The following CAPS2 variants were observed in gnomAD, a reference collection of about 807,000 sequenced individuals.
CAPS2 encodes the protein calcyphosine 2.
CAPS2 carries 98 observed loss-of-function variants against 86.5 expected under a neutral mutation model. The observed-to-expected ratio is 1.13, with a 90% CI of 0.96 to 1.34. CAPS2 has a LOEUF of 1.34. Among genes scored for constraint, CAPS2 ranks in the 40% most tolerant of loss-of-function variants. The pLI is 0.00. For synonymous variants in CAPS2, 210 were observed against 225.1 expected (o/e 0.93, Z 0.60); for missense variants, 729 against 686.8 (o/e 1.06, Z -0.69).
chr12:75,355,725 C>T (rs1287724227), intron 1 of CAPS2, among the ~76,000 whole-genome samples: 2 of 152,118 alleles, frequency 1.3e-5, no homozygotes, highest in African/African-American at 4.8e-5. Context: ...ATGGAATCAA[C>T]CTAAATGCCC....
At chr12:75,366,762 C>T (rs973759775) in intron 1 of CAPS2, 15 of 639,958 alleles carry the variant, frequency 2.3e-5, no homozygotes, top group African/African-American at 1.1e-4. Flanking sequence ...GTCATTTCCA[C>T]GCTCTTATGT....
chr12:75,294,299 G>A (rs1374002581), intron 11 of CAPS2, among the ~76,000 whole-genome samples: 1 of 152,104 alleles, frequency 6.6e-6, no homozygotes, highest in Non-Finnish European at 1.5e-5. Context: ...ATAAAGGAAG[G>A]ATGTCCCTCC....
At chr12:75,322,996 G>T in exon 4 of CAPS2, 2 of 1,537,922 alleles carry the variant, frequency 1.3e-6, no homozygotes, top group Non-Finnish European at 1.8e-6. Context: ...ATGATACTGA[G>T]TATATGGAGT....
At chr12:75,362,876 C>G (rs2043700665) in intron 1 of CAPS2, among the ~76,000 whole-genome samples, 1 of 152,112 alleles carries the variant, frequency 6.6e-6, no homozygotes, top group Admixed American at 6.6e-5. Context: ...TCTCATTATT[C>G]TTCTATAGAA....
chr12:75,317,347 C>T (rs1008615558), intron 5 of CAPS2, among the ~76,000 whole-genome samples: 14 of 152,096 alleles, frequency 9.2e-5, no homozygotes, highest in African/African-American at 3.4e-4. Flanking sequence ...TATTTACCCA[C>T]TAATATACTT....
intron 1 of CAPS2, among the ~76,000 whole-genome samples, chr12:75,379,853 T>TAAAAA (rs35309353): frequency 2.7e-5 from 3 of 111,918 alleles, no homozygotes; most frequent in South Asian, 3.0e-4. Flanking sequence ...TCCCTATCAG[T>TAAAAA]AAAAAAAAAA....
intron 1 of CAPS2, among the ~76,000 whole-genome samples, chr12:75,335,163 A>G (rs1276588039): frequency 1.3e-5 from 2 of 152,158 alleles, no homozygotes; most frequent in African/African-American, 2.4e-5. Context: ...GCTTTGTTGC[A>G]CCACTAAAGT....
upstream of CAPS2, among the ~76,000 whole-genome samples, chr12:75,328,310 T>C (rs1385536395): frequency 6.6e-6 from 1 of 152,166 alleles, no homozygotes; most frequent in East Asian, 1.9e-4. Flanking sequence ...AGTCTCTCAA[T>C]TATTTATATC....
intron 1 of CAPS2, among the ~76,000 whole-genome samples, chr12:75,338,212 A>G (rs1249371801): frequency 6.6e-6 from 1 of 152,180 alleles, no homozygotes; most frequent in Admixed American, 6.5e-5. Context: ...ATTATAATCA[A>G]TTGAATCCAG....
chr12:75,300,296 C>G (rs2037597883), intron 8 of CAPS2, among the ~76,000 whole-genome samples: 2 of 152,136 alleles, frequency 1.3e-5, no homozygotes, highest in East Asian at 3.9e-4. Flanking sequence ...GTGGCTCACA[C>G]CTGTAATCCC....
intron 11 of CAPS2, among the ~76,000 whole-genome samples, chr12:75,297,923 C>G (rs966843724): frequency 6.6e-6 from 1 of 152,144 alleles, no homozygotes; most frequent in Admixed American, 6.5e-5. Flanking sequence ...TTTGATTCCA[C>G]AAAACTAGGC....
chr12:75,331,875 T>C (rs190979021), upstream of CAPS2, among the ~76,000 whole-genome samples: 56 of 152,302 alleles, frequency 3.7e-4, no homozygotes, highest in East Asian at 9.8e-3. Context: ...AATTTAACTT[T>C]TAAAAAGTTA....
At chr12:75,289,686 C>T in exon 14 of CAPS2, 2 of 1,613,286 alleles carry the variant, frequency 1.2e-6, no homozygotes, top group Non-Finnish European at 1.7e-6. Flanking sequence ...TCTAAAAGTC[C>T]ATTTCCTTCC....
intron 7 of CAPS2, among the ~76,000 whole-genome samples, chr12:75,312,051 C>G (rs1429216191): frequency 6.6e-6 from 1 of 152,160 alleles, no homozygotes; most frequent in Non-Finnish European, 1.5e-5. Context: ...CTAAGTCTTA[C>G]TTTTTCCTTG....
upstream of CAPS2, chr12:75,334,402 C>T: frequency 1.0e-6 from 1 of 960,056 alleles, no homozygotes; most frequent in East Asian, 6.6e-5. Flanking sequence ...GTGTGGCTTG[C>T]ATATTGCAAT....
At chr12:75,353,358 T>C (rs1372239304) in intron 1 of CAPS2, among the ~76,000 whole-genome samples, 1 of 152,168 alleles carries the variant, frequency 6.6e-6, no homozygotes, top group Non-Finnish European at 1.5e-5. Context: ...CAGAGAATAC[T>C]ATAAACACCT....
At chr12:75,371,459 C>A (rs1353233050) in intron 1 of CAPS2, 1 of 352,732 alleles carries the variant, frequency 2.8e-6, no homozygotes, top group African/African-American at 2.2e-5. Context: ...CTCACAGACA[C>A]ACCCAGGAAC....
At chr12:75,346,395 CTT>C (rs963733264) in intron 1 of CAPS2, among the ~76,000 whole-genome samples, 7 of 145,982 alleles carry the variant, frequency 4.8e-5, no homozygotes, top group Admixed American at 1.4e-4. Context: ...AAGCAAAACT[CTT>C]TTTTTTTTTT....
At chr12:75,359,748 T>G (rs2043440348) in intron 1 of CAPS2, 1 of 151,990 alleles carries the variant, frequency 6.6e-6, no homozygotes, top group African/African-American at 2.4e-5. Context: ...GGAAAAAAAA[T>G]TAATAAATCA....
Sources: allele counts gnomAD v4.1 joint callset (sites outside exome capture counted in the v4.1 genomes callset), GRCh38; gene constraint gnomAD v4.1.1; transcripts MANE v1.5; gene names NCBI Gene and HGNC (gene_info 2026-07-23, HGNC 2026-07-21).